SCN8A: variants seen among roughly 807,000 people sequenced by gnomAD.
The protein encoded by SCN8A is sodium channel protein type 8 subunit alpha.
A neutral mutation model predicts 184.1 loss-of-function variants in SCN8A; 30 were observed. The ratio of observed to expected loss-of-function variants is 0.16; its 90% CI spans 0.12 to 0.22. The LOEUF is 0.22. Among genes scored for constraint, SCN8A ranks in the 10% least tolerant of loss-of-function variants. The pLI, the probability that SCN8A is intolerant of heterozygous loss-of-function variation, is 1.00. For missense variants in SCN8A, 1,057 were observed against 2,498.9 expected, an observed-to-expected ratio of 0.42 and a Z score of 12.30; for synonymous variants, 852 against 907.0, an observed-to-expected ratio of 0.94 and a Z score of 1.09.
chr12:51,745,674 G>A (rs1942498253), intron 12 of SCN8A, among the ~76,000 whole-genome samples: 1 of 152,142 alleles, frequency 6.6e-6, no homozygotes, highest in African/African-American at 2.4e-5. Flanking sequence ...GATTCTTGGG[G>A]TCATTGTAGA....
chr12:51,804,425 TCTC>T (rs1335690265), intron 26 of SCN8A, among the ~76,000 whole-genome samples: 33 of 151,826 alleles, frequency 2.2e-4, no homozygotes, highest in Non-Finnish European at 4.4e-4. Context: ...CTCACGCAAT[TCTC>T]CTGCCTCAGC....
At chr12:51,616,656 C>G (rs1326712096) in intron 1 of SCN8A, among the ~76,000 whole-genome samples, 1 of 152,010 alleles carries the variant, frequency 6.6e-6, no homozygotes, top group Non-Finnish European at 1.5e-5. Flanking sequence ...ATGGTGGTTC[C>G]TGCTTGTCAT....
intron 1 of SCN8A, among the ~76,000 whole-genome samples, chr12:51,637,508 T>G (rs1240916644): frequency 2.0e-5 from 3 of 152,162 alleles, no homozygotes; most frequent in African/African-American, 4.8e-5. Context: ...GGAACAGCCT[T>G]AATGCTGATA....
chr12:51,694,834 C>G (rs1430750032), intron 6 of SCN8A, among the ~76,000 whole-genome samples: 1 of 152,060 alleles, frequency 6.6e-6, no homozygotes, highest in Non-Finnish European at 1.5e-5. Flanking sequence ...GTTGATGGTA[C>G]GAGGGAGCGC....
chr12:51,619,078 C>G (rs1409440262), intron 1 of SCN8A, among the ~76,000 whole-genome samples: 2 of 152,062 alleles, frequency 1.3e-5, no homozygotes, highest in Non-Finnish European at 2.9e-5. Context: ...AGACTTTGTA[C>G]TTATTACCAA....
intron 1 of SCN8A, among the ~76,000 whole-genome samples, chr12:51,646,107 G>A (rs980401320): frequency 6.6e-5 from 10 of 151,218 alleles, no homozygotes; most frequent in Non-Finnish European, 4.4e-5. Flanking sequence ...GAACACATTA[G>A]TCTACAGGAT....
At chr12:51,724,566 G>A (rs1356915555) in intron 12 of SCN8A, among the ~76,000 whole-genome samples, 2 of 152,154 alleles carry the variant, frequency 1.3e-5, no homozygotes, top group Non-Finnish European at 2.9e-5. Context: ...CACTAATTCT[G>A]CGAATAGGGA....
At chr12:51,739,692 C>G (rs1565906328) in intron 12 of SCN8A, among the ~76,000 whole-genome samples, 1 of 152,196 alleles carries the variant, frequency 6.6e-6, no homozygotes, top group Non-Finnish European at 1.5e-5. Context: ...AGCTAGTTTT[C>G]TGTTCCAAGC....
chr12:51,775,662 G>A (rs542867583), intron 20 of SCN8A, among the ~76,000 whole-genome samples: 9 of 152,278 alleles, frequency 5.9e-5, no homozygotes, highest in African/African-American at 1.9e-4. Flanking sequence ...TTAAAGAATG[G>A]GATTGAGATA....
intron 1 of SCN8A, among the ~76,000 whole-genome samples, chr12:51,596,853 C>T: frequency 6.6e-6 from 1 of 152,170 alleles, no homozygotes; most frequent in East Asian, 1.9e-4. Flanking sequence ...TTCATGAAAT[C>T]TCTCCCATTG....
intron 1 of SCN8A, among the ~76,000 whole-genome samples, chr12:51,630,269 A>C (rs1940170268): frequency 6.6e-6 from 1 of 152,020 alleles, no homozygotes; most frequent in African/African-American, 2.4e-5. Context: ...TGAACTCCCC[A>C]TTCCCTGCTC....
chr12:51,748,201 C>T (rs912552438), intron 13 of SCN8A, among the ~76,000 whole-genome samples: 5 of 152,168 alleles, frequency 3.3e-5, no homozygotes, highest in Admixed American at 6.5e-5. Context: ...CAGCATTGAA[C>T]GAATTGTAGT....
At chr12:51,668,092 A>C (rs1941067188) in intron 2 of SCN8A, among the ~76,000 whole-genome samples, 1 of 151,722 alleles carries the variant, frequency 6.6e-6, no homozygotes, top group Non-Finnish European at 1.5e-5. Context: ...CTGAGGCAGG[A>C]GAATCGCTTG....
At chr12:51,755,479 C>T (rs1008760691) in intron 14 of SCN8A, among the ~76,000 whole-genome samples, 1 of 152,160 alleles carries the variant, frequency 6.6e-6, no homozygotes, top group Non-Finnish European at 1.5e-5. Context: ...TCAGCCATTT[C>T]TCAAGAAGCC....
chr12:51,675,978 A>G (rs900567262), intron 2 of SCN8A, among the ~76,000 whole-genome samples: 2 of 152,216 alleles, frequency 1.3e-5, no homozygotes, highest in Non-Finnish European at 2.9e-5. Context: ...TTATTTCTTC[A>G]AATAGACTCA....
Position 51,769,229 on chromosome 12 carries a change from A to G in SCN8A, c.3266A>G (p.Asn1089Ser), listed in dbSNP as rs774119406. The G allele has an allele frequency of 1.7e-5, 27 of 1,613,912 alleles. No individual in the cohort carries two copies. Among genetic ancestry groups the G allele is most frequent in the Non-Finnish European group, 2.3e-5 (27 of 1,179,868 alleles). Residue 1089 changes from asparagine (N) to serine (S), a missense_variant, in exon 17 of 27, where the codon AAC becomes AGC. Physicochemically the swap from Asn to Ser is conservative, Grantham distance 46 (BLOSUM62 1). This residue lies in a region of SCN8A where 178 missense variants were observed against 259.6 expected (regional missense o/e 0.69). Coordinates refer to ENST00000627620, the MANE Select transcript of SCN8A (RefSeq NM_001330260.2). ...GAGGACCACATGTCCTTCATCAACA[A>G]CCCCAACTTGACTGTACGGGTACCC... Reference protein sequence around the residue: ...IDEDHMSFINNPNLTVRVPIA... With the variant: ...IDEDHMSFINSPNLTVRVPIA...
At chr12:51,611,365 G>C (rs1253411649) in intron 1 of SCN8A, among the ~76,000 whole-genome samples, 1 of 151,772 alleles carries the variant, frequency 6.6e-6, no homozygotes, top group Non-Finnish European at 1.5e-5. Flanking sequence ...GGTTTCACCG[G>C]GTTAGCCAAG....
chr12:51,684,119 A>G (rs1941379984), intron 2 of SCN8A, 55 bp from the exon 3 acceptor site: 3 of 860,854 alleles, frequency 3.5e-6, no homozygotes, highest in African/African-American at 1.6e-5. Context: ...TCATTGTTTC[A>G]TGTGGTGACT....
chr12:51,800,701 G>A (rs1301299896), intron 26 of SCN8A, among the ~76,000 whole-genome samples: 4 of 152,168 alleles, frequency 2.6e-5, no homozygotes, highest in Non-Finnish European at 4.4e-5. Context: ...TTAATTATCT[G>A]ACCTCCATAA....
Sources: gnomAD v4.1 joint callset for allele counts (sites outside exome capture counted in the v4.1 genomes callset) on GRCh38, gnomAD v4.1.1 for gene constraint, gnomAD v4.1.1 regional missense constraint, MANE v1.5 for transcripts, NCBI Gene and HGNC (gene_info 2026-07-23, HGNC 2026-07-21) for gene names.